Variants in TLE2 observed in about 807,000 individuals in gnomAD.
The protein encoded by TLE2 is transducin-like enhancer protein 2.
A neutral mutation model predicts 97.2 loss-of-function variants in TLE2; 74 were observed. The ratio of observed to expected loss-of-function variants is 0.76; its 90% confidence interval spans 0.63 to 0.92. The LOEUF is 0.92. TLE2 is among the 40% of genes least tolerant of loss of function. The probability of loss-of-function intolerance (pLI) is 0.00; values close to 1 mark genes in which losing one functional copy is unlikely to be tolerated. For missense variants in TLE2, 1,038 were observed against 1,008.7 expected (o/e 1.03, Z -0.39); for synonymous variants, 499 against 432.1 (o/e 1.15, Z -1.92).
intron 4 of TLE2, chr19:3,025,301 A>G (rs190920791): frequency 9.6e-6 from 12 of 1,252,526 alleles, no homozygotes; most frequent in Middle Eastern, 2.9e-4. Flanking sequence ...GGTGGCCTGG[A>G]GCTGGGAAGA....
Position 3,021,098 on chromosome 19 carries a change from A to T in TLE2, c.295-1325T>A, listed in dbSNP as rs901823229. Reference sequence around the variant, plus strand: ...AGTGAGACCCAGTCTCAAAAAAAAAAAAAAAAAAAAAAAAAAGGGGGGGGG... The same window carrying T: ...AGTGAGACCCAGTCTCAAAAAAAAATAAAAAAAAAAAAAAAAGGGGGGGGG... On this transcript the variant is annotated intron_variant, in intron 5 of 19. Coordinates refer to ENST00000262953, the MANE Select transcript of TLE2 (RefSeq NM_003260.5). 3.0e-4 allele frequency among the ~76,000 whole-genome samples: 34 copies of T among 115,230 alleles called. 1 individual carries two copies. The highest frequency in any genetic ancestry group is 1.1e-3 in the African/African-American group (32 of 29,762). 75.6% of individuals were successfully genotyped at this position (115,230 alleles called of 152,430 possible). A position where few individuals can be genotyped will look rare whatever the true frequency, so the allele number is the denominator to read the frequency against.
At chr19:3,038,515 C>T (rs531178869) in intron 1 of TLE2, among the ~76,000 whole-genome samples, 6 of 152,370 alleles carry the variant, frequency 3.9e-5, no homozygotes, top group East Asian at 3.9e-4. Flanking sequence ...GTCCAGCCCC[C>T]ACTATGTCCT....
At position 3,025,390 on chromosome 19, in the gene TLE2, C is replaced by G. The variant is rs1291676320; in HGVS notation, c.232-308G>C. 3 of 1,178,360 alleles carry G rather than the reference C, an allele frequency of 2.5e-6. No homozygotes were observed. In the African/African-American group the frequency reaches 4.8e-5, roughly 19 times the overall value. The allele number at this position is 1,178,360 out of a possible 1,614,324, so 73.0% of individuals were successfully genotyped here. ...GCCAGGGATTTGCAGGAGGCAGACG[C>G]TCAGACACCCAACTCAGACGCAGAC... is the stretch of plus-strand genomic sequence containing the variant. On this transcript the variant is annotated intron_variant, in intron 4 of 19. Coordinates refer to ENST00000262953, the MANE Select transcript of TLE2 (RefSeq NM_003260.5).
intron 1 of TLE2, among the ~76,000 whole-genome samples, chr19:3,041,014 T>TATATATATATATA (rs55998855): frequency 4.5e-4 from 9 of 20,148 alleles, no homozygotes; most frequent in Admixed American, 8.4e-4. Context: ...TATATATATA[T>TATATATATATATA]TTTTTTTTTT....
intron 11 of TLE2, among the ~76,000 whole-genome samples, chr19:3,013,074 T>C (rs555197893): frequency 6.6e-6 from 1 of 152,164 alleles, no homozygotes; most frequent in East Asian, 1.9e-4. Context: ...AGGGGAGGCC[T>C]AGAAACCGAC....
At chr19:3,041,392 T>C (rs2090102303) in intron 1 of TLE2, among the ~76,000 whole-genome samples, 1 of 152,188 alleles carries the variant, frequency 6.6e-6, no homozygotes, top group South Asian at 2.1e-4. Flanking sequence ...AATTATGGGC[T>C]GAGAGCTTGC....
upstream of TLE2, among the ~76,000 whole-genome samples, chr19:3,046,381 C>T (rs963358294): frequency 3.9e-5 from 6 of 152,226 alleles, no homozygotes; most frequent in African/African-American, 1.4e-4. Flanking sequence ...TCTAATGCGT[C>T]CTAGCTTTAG....
At chr19:3,038,996 T>C (rs1177198955) in intron 1 of TLE2, among the ~76,000 whole-genome samples, 1 of 145,124 alleles carries the variant, frequency 6.9e-6, no homozygotes, top group East Asian at 2.0e-4. Context: ...TGAGCTGAGA[T>C]CGCACCATTG....
At chr19:3,014,041 C>T (rs966587225) in intron 10 of TLE2, among the ~76,000 whole-genome samples, 5 of 151,138 alleles carry the variant, frequency 3.3e-5, no homozygotes, top group African/African-American at 1.2e-4. Flanking sequence ...TAATGGCCCA[C>T]TGCAACCTCC....
Position 3,006,011 on chromosome 19 carries a change from G to A in TLE2, c.1501-43C>T, listed in dbSNP as rs776676299. The A allele has an allele frequency of 5.6e-6, 9 of 1,607,068 alleles. No individual in the cohort carries two copies. The South Asian group carries it at 6.6e-5, about 12-fold the overall frequency. Reference sequence around the variant, plus strand: ...AGCAGGGGCTGGGGGTTGGTCCCAGGTGAGGTCTCTAGGAGCCTAGCTCAA... The same window carrying A: ...AGCAGGGGCTGGGGGTTGGTCCCAGATGAGGTCTCTAGGAGCCTAGCTCAA... On this transcript the variant is annotated intron_variant, in intron 15 of 19. Coordinates refer to ENST00000262953, the MANE Select transcript of TLE2 (RefSeq NM_003260.5).
In TLE2 at chr19:3,019,524, G is replaced by C. The variant is rs2145180474; in HGVS notation, c.370-61C>G. On this transcript the variant is annotated intron_variant, in intron 6 of 19. Coordinates refer to ENST00000262953, the MANE Select transcript of TLE2 (RefSeq NM_003260.5). The surrounding 1 kb of genome is among the most constrained non-coding windows in gnomAD (Gnocchi z 5.1). ...GGCGGCAGGAGCCCAGCGGTCCCCA[G>C]CCCAAGAGGTAGACACAGGGGATGG... 6 of 1,481,086 alleles carry C rather than the reference G, an allele frequency of 4.1e-6. No homozygotes were observed. The highest frequency in any genetic ancestry group is 2.5e-5 in the East Asian group (1 of 40,432). The allele number at this position is 1,481,086 out of a possible 1,614,324, so 91.7% of individuals were successfully genotyped here. A position where few individuals can be genotyped will look rare whatever the true frequency, so the allele number is the denominator to read the frequency against.
At chr19:3,013,910 C>T (rs2089648475) in intron 10 of TLE2, 92 bp from the exon 11 acceptor site, 1 of 1,227,012 alleles carries the variant, frequency 8.1e-7, no homozygotes, top group African/African-American at 1.6e-5. Flanking sequence ...ACCCCAATCT[C>T]TAGAATGGGT....
At chr19:3,026,041 T>C (rs2089937439) in intron 4 of TLE2, among the ~76,000 whole-genome samples, 2 of 152,038 alleles carry the variant, frequency 1.3e-5, no homozygotes, top group African/African-American at 2.4e-5. Context: ...TGATAGAATC[T>C]AGGAGCCCAT....
chr19:3,028,282 G>C, intron 3 of TLE2, 37 bp downstream of exon 3: 2 of 1,585,572 alleles, frequency 1.3e-6, no homozygotes, highest in Non-Finnish European at 1.7e-6. Context: ...AGCCCTGCCC[G>C]CCTCTCCCCT....
chr19:2,999,805 G>A (rs886590908), intron 19 of TLE2, among the ~76,000 whole-genome samples: 4 of 150,842 alleles, frequency 2.7e-5, no homozygotes, highest in African/African-American at 9.7e-5. Flanking sequence ...GGCCAAGGTA[G>A]GCAGATCACC....
At chr19:3,018,520 T>C (rs926583230) in intron 7 of TLE2, among the ~76,000 whole-genome samples, 3 of 152,076 alleles carry the variant, frequency 2.0e-5, no homozygotes, top group Non-Finnish European at 4.4e-5. Context: ...CTCAAACTCC[T>C]GACCTCAGGT....
chr19:3,006,019 T>G (rs932047852), intron 15 of TLE2, 51 bp from the exon 16 acceptor site: 18 of 1,600,598 alleles, frequency 1.1e-5, no homozygotes, highest in Non-Finnish European at 1.5e-5. Context: ...AGGTGAGGTC[T>G]CTAGGAGCCT....
At chr19:3,046,834 G>A (rs2090144552), upstream of TLE2, among the ~76,000 whole-genome samples, 1 of 151,294 alleles carries the variant, frequency 6.6e-6, no homozygotes, top group Non-Finnish European at 1.5e-5. Context: ...AAGGAATATG[G>A]GCCCACCCCA....
At chr19:3,028,221 A>T in intron 3 of TLE2, 98 bp downstream of exon 3, 1 of 1,247,854 alleles carries the variant, frequency 8.0e-7, no homozygotes, top group Non-Finnish European at 1.1e-6. Context: ...GACGGGGAAG[A>T]CGAGGTTCGG....
Sources: gnomAD v4.1 joint callset for allele counts (sites outside exome capture counted in the v4.1 genomes callset) on GRCh38, gnomAD v4.1.1 for gene constraint, Gnocchi (gnomAD v3.1) non-coding constraint, MANE v1.5 for transcripts, NCBI Gene and HGNC (gene_info 2026-07-23, HGNC 2026-07-21) for gene names.